POMT2: variants seen among roughly 807,000 people sequenced by gnomAD.
POMT2 encodes the protein protein O-mannosyltransferase 2, also known as protein O-mannosyl-transferase 2.
POMT2 carries 75 observed loss-of-function variants against 100.0 expected under a neutral mutation model. That is an observed-to-expected ratio of 0.75 (90% CI 0.62 to 0.91). The LOEUF (loss-of-function observed/expected upper bound fraction) is 0.91. POMT2 is among the 40% of genes least tolerant of loss of function. The pLI, the probability that POMT2 is intolerant of heterozygous loss-of-function variation, is 0.00. For synonymous variants in POMT2, 378 were observed against 374.1 expected (o/e 1.01, Z -0.12); for missense variants, 940 against 955.1 (o/e 0.98, Z 0.21).
Position 77,320,469 on chromosome 14 carries a change from G to T in POMT2, c.213C>A (p.Thr71=). Residue 71 remains threonine (T), a synonymous_variant, in exon 1 of 21, where the codon ACC becomes ACA. Coordinates refer to ENST00000261534, the MANE Select transcript of POMT2 (RefSeq NM_013382.7). ...GCGGCTCGTCCAAGCGGTGGAAGCGGGTGGCGAAGGACAGCAGCGTCACCA... is the reference window on the plus strand; with the variant it reads ...GCGGCTCGTCCAAGCGGTGGAAGCGTGTGGCGAAGGACAGCAGCGTCACCA... ...LALVTLLSFA[T]RFHRLDEPPH... 1.9e-6 allele frequency: 3 copies of T among 1,545,766 alleles called. No individual in the cohort carries two copies. Among genetic ancestry groups the T allele is most frequent in the Non-Finnish European group, 2.6e-6 (3 of 1,147,214 alleles).
At chr14:77,303,082 C>T in intron 4 of POMT2, 139 bp from the exon 5 acceptor site, 1 of 721,508 alleles carries the variant, frequency 1.4e-6, no homozygotes, top group South Asian at 1.5e-5. Flanking sequence ...CTAGAGTCAA[C>T]ACTGAGTCAT....
At chr14:77,315,409 G>A (rs1016404396) in intron 1 of POMT2, among the ~76,000 whole-genome samples, 2 of 152,206 alleles carry the variant, frequency 1.3e-5, no homozygotes, top group Admixed American at 6.5e-5. Flanking sequence ...CCCTGATGCA[G>A]GCCTTCTAGA....
Position 77,304,714 on chromosome 14 carries a change from G to C in POMT2, c.525C>G (p.Leu175=). 6.3e-7 allele frequency: 1 copy of C among 1,594,084 alleles called. No homozygotes were observed. Among genetic ancestry groups the C allele is most frequent in the Middle Eastern group, 1.8e-4 (1 of 5,598 alleles). The change falls in exon 4 of 21, where the codon CTC becomes CTG. Residue 175 remains leucine, a synonymous_variant. Transcript: ENST00000261534. ...TACCAAAGGTGAGGAGGGCAGCTGT[G>C]AGCAGTGCTGCCGAGAGGGACTTGG... ...DLSKSLSAAL[L]TAALLTFDTG... is the part of the protein sequence containing the mutation.
At chr14:77,310,936 C>A (rs1320587528) in intron 2 of POMT2, among the ~76,000 whole-genome samples, 1 of 152,200 alleles carries the variant, frequency 6.6e-6, no homozygotes, top group African/African-American at 2.4e-5. Flanking sequence ...GAGTTCAAGA[C>A]CAGCCTGGCC....
rs149165821 is a variant in POMT2, at chr14:77,303,648, T to C, written c.548-705A>G. Among the ~76,000 whole-genome samples, 1,063 of 152,304 alleles carry C rather than the reference T, an allele frequency of 7.0e-3. 16 individuals carry two copies. Among genetic ancestry groups the C allele is most frequent in the African/African-American group, 0.024 (1,001 of 41,556 alleles). On this transcript the variant is annotated intron_variant, in intron 4 of 20. Transcript: ENST00000261534. The stretch of plus-strand genomic sequence containing the variant: ...CCTGAATGCTCTTCCCTCAGATCCC[T>C]GCAGGGCCTGATCCTTTGTCTCACT...
Position 77,275,572 on chromosome 14 carries a change from G to A in POMT2, c.*1804C>T, listed in dbSNP as rs188108040. 5.4e-4 allele frequency: 82 copies of A among 152,404 alleles called. No individual in the cohort carries two copies. Among genetic ancestry groups the A allele is most frequent in the African/African-American group, 1.8e-3 (76 of 41,570 alleles). 9.4% of individuals were successfully genotyped at this position (152,404 alleles called of 1,614,324 possible). Reference sequence around the variant, plus strand: ...ATTCTCCCTGCAGGAGAGCCCACCCGGCTCAGAAGAAAGCAATTCCGCCTG... The same window carrying A: ...ATTCTCCCTGCAGGAGAGCCCACCCAGCTCAGAAGAAAGCAATTCCGCCTG... On this transcript the variant is annotated 3_prime_UTR_variant, in exon 21 of 21. Coordinates refer to ENST00000261534, the MANE Select transcript of POMT2 (RefSeq NM_013382.7).
At chr14:77,301,522 TG>T (rs1891043150) in intron 5 of POMT2, among the ~76,000 whole-genome samples, 1 of 152,098 alleles carries the variant, frequency 6.6e-6, no homozygotes, top group Admixed American at 6.5e-5. Flanking sequence ...TCAGGGTAAG[TG>T]GGGGCTCCTT....
At chr14:77,278,141 G>A in intron 20 of POMT2, 1 of 511,762 alleles carries the variant, frequency 2.0e-6, no homozygotes, top group South Asian at 2.0e-5. Flanking sequence ...GGTGCGCTGG[G>A]ATGGCACAAA....
intron 1 of POMT2, among the ~76,000 whole-genome samples, chr14:77,318,122 A>T (rs986675893): frequency 2.0e-5 from 3 of 152,198 alleles, no homozygotes; most frequent in Admixed American, 6.5e-5. Flanking sequence ...CAATCCTGGC[A>T]TCTGGGGAAG....
At chr14:77,306,522 A>AC in intron 2 of POMT2, 81 bp from the exon 3 acceptor site, 1 of 1,526,888 alleles carries the variant, frequency 6.5e-7, no homozygotes, top group Non-Finnish European at 9.0e-7. Flanking sequence ...CTCCAGCTGC[A>AC]CCCACAGACT....
intron 3 of POMT2, 149 bp downstream of exon 3, chr14:77,306,188 A>C: frequency 7.3e-7 from 1 of 1,373,366 alleles, no homozygotes; most frequent in African/African-American, 1.4e-5. Context: ...TCTACACCAC[A>C]GGGGAGGGTC....
intron 9 of POMT2, 80 bp downstream of exon 9, chr14:77,296,084 G>A: frequency 1.8e-6 from 2 of 1,136,808 alleles, no homozygotes; most frequent in East Asian, 2.6e-5. Context: ...AACAGGATGA[G>A]CAAAGGATAG....
Position 77,291,300 on chromosome 14 carries a change from T to G in POMT2, c.1183+14A>C. ...AGTAACAGCACAAGAAGCATCAGTC[T>G]CTGACCACATTACCTGAGTTTGTGT... On this transcript the variant is annotated intron_variant, in intron 10 of 20. Transcript: ENST00000261534. 1.2e-6 allele frequency: 2 copies of G among 1,609,938 alleles called. No individual in the cohort carries two copies. The highest frequency in any genetic ancestry group is 1.7e-6 in the Non-Finnish European group (2 of 1,178,410).
At chr14:77,284,806 A>C (rs1481571898) in intron 14 of POMT2, 144 bp downstream of exon 14, 15 of 723,822 alleles carry the variant, frequency 2.1e-5, no homozygotes, top group Non-Finnish European at 2.9e-5. Flanking sequence ...AGGTACAGAC[A>C]ACTCATAGAA....
intron 16 of POMT2, 87 bp downstream of exon 16, chr14:77,280,305 C>T: frequency 6.3e-7 from 1 of 1,597,138 alleles, no homozygotes; most frequent in South Asian, 1.1e-5. Context: ...CCCTGCCGCC[C>T]TAGTACACCC....
intron 2 of POMT2, chr14:77,306,742 G>T (rs897122653): frequency 2.8e-6 from 1 of 361,360 alleles, no homozygotes; most frequent in African/African-American, 2.1e-5. Context: ...GTCAGTAAGG[G>T]GCTCTCTGAT....
intron 2 of POMT2, among the ~76,000 whole-genome samples, chr14:77,308,139 C>A (rs1458861468): frequency 6.6e-6 from 1 of 151,862 alleles, no homozygotes; most frequent in Non-Finnish European, 1.5e-5. Flanking sequence ...GGATTATAGG[C>A]ATGAGCCACC....
intron 11 of POMT2, 155 bp from the exon 12 acceptor site, chr14:77,286,977 A>G: frequency 6.9e-7 from 1 of 1,440,442 alleles, no homozygotes; most frequent in Non-Finnish European, 9.4e-7. Context: ...TTTCCTATTT[A>G]CTCACAAGAA....
intron 14 of POMT2, chr14:77,284,112 T>G (rs931697567): frequency 1.9e-6 from 1 of 534,330 alleles, no homozygotes; most frequent in Non-Finnish European, 3.4e-6. Flanking sequence ...TGCTTGGTGC[T>G]CCAACAGCTC....
Sources: allele counts gnomAD v4.1 joint callset (sites outside exome capture counted in the v4.1 genomes callset), GRCh38; gene constraint gnomAD v4.1.1; transcripts MANE v1.5; gene names NCBI Gene and HGNC (gene_info 2026-07-23, HGNC 2026-07-21).